Variants in COPS7B observed in about 807,000 individuals in gnomAD.
The protein encoded by COPS7B is COP9 signalosome complex subunit 7b.
COPS7B carries 9 observed loss-of-function variants against 33.4 expected under a neutral mutation model. The ratio of observed to expected loss-of-function variants is 0.27; its 90% CI spans 0.16 to 0.47. The LOEUF (loss-of-function observed/expected upper bound fraction) is 0.47, where lower values mean the gene tolerates loss of function less well. Ranked by LOEUF, COPS7B falls within the 20% of genes least tolerant of loss-of-function variation. The pLI is 0.99. For synonymous variants in COPS7B, 119 were observed against 126.3 expected (o/e 0.94, Z 0.39); for missense variants, 242 against 318.2 (o/e 0.76, Z 1.82).
upstream of COPS7B, chr2:231,781,752 C>A: frequency 7.4e-7 from 1 of 1,347,010 alleles, no homozygotes; most frequent in Non-Finnish European, 1.0e-6. Flanking sequence ...CAAACCCGCC[C>A]GCTGAGTTGG....
Position 231,788,860 on chromosome 2 carries a change from G to A in COPS7B, c.162+128G>A, listed in dbSNP as rs899358461. ...CCTATTGTGAGACAGATGGGAATTG[G>A]TGGGGCAGAGGGAGAGATTGAGAGA... is the stretch of plus-strand genomic sequence containing the variant. On this transcript the variant is annotated intron_variant, in intron 2 of 6. Transcript: ENST00000350033. The A allele has an allele frequency of 3.5e-5, 27 of 774,638 alleles. No homozygotes were observed. The African/African-American group carries it at 4.5e-4, about 13-fold the overall frequency. 48.0% of individuals were successfully genotyped at this position (774,638 alleles called of 1,614,324 possible). A position where few individuals can be genotyped will look rare whatever the true frequency, so the allele number is the denominator to read the frequency against.
chr2:231,801,516 G>GC (rs766641602), intron 6 of COPS7B, among the ~76,000 whole-genome samples: 1 of 151,922 alleles, frequency 6.6e-6, no homozygotes, highest in East Asian at 1.9e-4. Context: ...AACACAGCTC[G>GC]CTGCACCCTC....
intron 6 of COPS7B, among the ~76,000 whole-genome samples, chr2:231,800,449 A>T (rs1303866761): frequency 6.6e-6 from 1 of 152,176 alleles, no homozygotes; most frequent in Non-Finnish European, 1.5e-5. Context: ...CTCTGTACAA[A>T]ATGAGGTTGG....
chr2:231,805,429 A>T (rs397988215), intron 6 of COPS7B, among the ~76,000 whole-genome samples: 2,341 of 114,840 alleles, frequency 0.02, 21 homozygotes, highest in Middle Eastern at 0.049. Context: ...ATATATATAT[A>T]TATTTTTTTT....
chr2:231,801,774 T>A (rs2049755405), intron 6 of COPS7B, among the ~76,000 whole-genome samples: 1 of 151,986 alleles, frequency 6.6e-6, no homozygotes, highest in Non-Finnish European at 1.5e-5. Context: ...AACCTACTTT[T>A]CTTTTTTTCT....
chr2:231,799,163 T>A (rs1304180240), intron 6 of COPS7B, among the ~76,000 whole-genome samples, 199 bp downstream of exon 6: 1 of 152,236 alleles, frequency 6.6e-6, no homozygotes, highest in Non-Finnish European at 1.5e-5. Context: ...TTTTTCTGAT[T>A]CCTGGTCAGC....
At chr2:231,790,308 T>TG (rs1203203956) in intron 2 of COPS7B, 1 of 152,220 alleles carries the variant, frequency 6.6e-6, no homozygotes, top group Non-Finnish European at 1.5e-5. Flanking sequence ...GGAGAAGTGT[T>TG]GGAGTATCTG....
rs1488924408 is a variant in COPS7B at position 231,807,319 on chromosome 2, TCTG to T, written c.637-164_637-162del. On this transcript the variant is annotated intron_variant, in intron 6 of 6. Coordinates refer to ENST00000350033, the MANE Select transcript of COPS7B (RefSeq NM_022730.4). Reference sequence around the variant, plus strand: ...TTTTTGCTTGACTCATTTCCACAAATCTGCTGTGAGTAGCCCAGGCTCGTTTCT... The same window carrying T: ...TTTTTGCTTGACTCATTTCCACAAATCTGTGAGTAGCCCAGGCTCGTTTCT... Among the ~76,000 whole-genome samples the T allele has an allele frequency of 3.9e-5, 6 of 152,284 alleles. No individual in the cohort carries two copies. In the East Asian group the frequency reaches 9.7e-4, roughly 25 times the overall value.
chr2:231,803,829 G>T (rs574898046), intron 6 of COPS7B, among the ~76,000 whole-genome samples: 1 of 152,336 alleles, frequency 6.6e-6, no homozygotes, highest in South Asian at 2.1e-4. Context: ...AGCATTGGAA[G>T]TGTTGAGCTT....
intron 6 of COPS7B, among the ~76,000 whole-genome samples, chr2:231,800,018 T>C (rs751223089): frequency 1.6e-4 from 24 of 152,212 alleles, no homozygotes; most frequent in Non-Finnish European, 3.2e-4. Context: ...GTCAGTGGAC[T>C]GCTGAACTCT....
At position 231,798,936 on chromosome 2, in the gene COPS7B, A is replaced by G. The variant is rs138197524; in HGVS notation, c.608A>G (p.Asn203Ser). 3.6e-3 allele frequency: 5,777 copies of G among 1,614,178 alleles called. 47 individuals carry two copies. Among genetic ancestry groups the G allele is most frequent in the South Asian group, 0.012 (1,081 of 91,076 alleles). ...LRANQYKENH[N>S]RTQQQVEAEV... ...GCCAACCAGTACAAAGAGAACCACA[A>G]CCGAACTCAGCAGCAGGTAGAAGCA... Residue 203 changes from asparagine to serine, a missense_variant, in exon 6 of 7, where the codon AAC becomes AGC. Physicochemically the swap from Asn to Ser is conservative, Grantham distance 46 (BLOSUM62 1). Transcript: ENST00000350033.
chr2:231,792,040 T>C lies in COPS7B; in HGVS notation c.238+232T>C, dbSNP rs1292769230. ...TGTGCTCATCCACAAATGTAGCCCTTGTTTGTTTTCCAGATGAGATTCTTG... is the reference window on the plus strand; with the variant it reads ...TGTGCTCATCCACAAATGTAGCCCTCGTTTGTTTTCCAGATGAGATTCTTG... On this transcript the variant is annotated intron_variant, in intron 3 of 6. Transcript: ENST00000350033. The C allele has an allele frequency of 4.5e-6, 3 of 664,536 alleles. No homozygotes were observed. The Admixed American group carries it at 6.2e-5, about 14-fold the overall frequency. The allele number at this position is 664,536 out of a possible 1,614,324, so 41.2% of individuals were successfully genotyped here.
intron 6 of COPS7B, among the ~76,000 whole-genome samples, chr2:231,805,443 A>ATT (rs993169995): frequency 2.9e-5 from 3 of 101,904 alleles, no homozygotes; most frequent in Non-Finnish European, 5.7e-5. Context: ...TTTTTTTTAA[A>ATT]TTTTATATAT....
At chr2:231,783,396 G>C (rs1228186098), upstream of COPS7B, among the ~76,000 whole-genome samples, 2 of 152,198 alleles carry the variant, frequency 1.3e-5, no homozygotes, top group Non-Finnish European at 2.9e-5. Flanking sequence ...AGCAATATGA[G>C]AGAGTTCTAG....
Position 231,808,585 on chromosome 2 carries a change from G to T in COPS7B, c.*940G>T, listed in dbSNP as rs752710204. ...ACCCCTCCTTGGCTGATGACCCAGA[G>T]CCCTCTGATGATGGCATTCTCCTGG... On this transcript the variant is annotated 3_prime_UTR_variant, in exon 7 of 7. Transcript: ENST00000350033. The T allele has an allele frequency of 3.4e-5, 16 of 468,210 alleles. No individual in the cohort carries two copies. The highest frequency in any genetic ancestry group is 6.6e-5 in the Non-Finnish European group (15 of 225,966). The allele number at this position is 468,210 out of a possible 1,614,324, so 29.0% of individuals were successfully genotyped here.
At chr2:231,800,564 A>G (rs572883137) in intron 6 of COPS7B, among the ~76,000 whole-genome samples, 3 of 152,362 alleles carry the variant, frequency 2.0e-5, no homozygotes, top group Non-Finnish European at 4.4e-5. Flanking sequence ...CATTATAAAT[A>G]GCATCAGACA....
At chr2:231,798,719 G>C (rs2049652702) in intron 5 of COPS7B, 140 bp from the exon 6 acceptor site, 1 of 642,676 alleles carries the variant, frequency 1.6e-6, no homozygotes. Context: ...AGGAGTGAAC[G>C]GGCAAGAGAT....
chr2:231,799,915 T>TC (rs1240868659), intron 6 of COPS7B, among the ~76,000 whole-genome samples: 5 of 152,292 alleles, frequency 3.3e-5, no homozygotes, highest in African/African-American at 1.2e-4. Flanking sequence ...AAAACCTGTG[T>TC]CCTATTTGTA....
At chr2:231,801,325 C>T (rs2049738897) in intron 6 of COPS7B, 1 of 1,498,658 alleles carries the variant, frequency 6.7e-7, no homozygotes, top group Non-Finnish European at 8.9e-7. Context: ...TTCCTAGTTC[C>T]AGCATACCTG....
Sources: gnomAD v4.1 joint callset for allele counts (sites outside exome capture counted in the v4.1 genomes callset) on GRCh38, gnomAD v4.1.1 for gene constraint, MANE v1.5 for transcripts, NCBI Gene and HGNC (gene_info 2026-07-23, HGNC 2026-07-21) for gene names.